The following SLC8A1 variants were observed in gnomAD, a reference collection of about 807,000 sequenced individuals.
SLC8A1 encodes solute carrier family 8 member A1.
SLC8A1 carries 18 observed loss-of-function variants against 68.3 expected under a neutral mutation model. That is an observed-to-expected ratio of 0.26 (90% CI 0.18 to 0.39). The LOEUF (loss-of-function observed/expected upper bound fraction) is 0.39, where lower values mean the gene tolerates loss of function less well. Ranked by LOEUF, SLC8A1 falls within the 10% of genes least tolerant of loss-of-function variation. The probability of loss-of-function intolerance (pLI) is 1.00; values close to 1 mark genes in which losing one functional copy is unlikely to be tolerated. For synonymous variants in SLC8A1, 475 were observed against 415.5 expected (o/e 1.14, Z -1.74); for missense variants, 985 against 1,156.7 (o/e 0.85, Z 2.15).
chr2:40,190,341 G>A (rs2051551261), intron 2 of SLC8A1, among the ~76,000 whole-genome samples: 1 of 152,074 alleles, frequency 6.6e-6, no homozygotes, highest in South Asian at 2.1e-4. Context: ...CGCAAACTGA[G>A]ACTCAGTGAA....
chr2:40,143,064 C>T (rs1363540208), intron 6 of SLC8A1, among the ~76,000 whole-genome samples: 1 of 152,038 alleles, frequency 6.6e-6, no homozygotes, highest in Non-Finnish European at 1.5e-5. Flanking sequence ...GAATGGGAGG[C>T]CCATCTGCTT....
At chr2:40,393,529 G>T (rs995048665) in intron 2 of SLC8A1, among the ~76,000 whole-genome samples, 2 of 152,068 alleles carry the variant, frequency 1.3e-5, no homozygotes, top group African/African-American at 2.4e-5. Flanking sequence ...TGCTGTAAAA[G>T]ATTATTACAT....
intron 2 of SLC8A1, among the ~76,000 whole-genome samples, chr2:40,236,715 G>C (rs866699220): frequency 6.6e-6 from 1 of 152,032 alleles, no homozygotes; most frequent in African/African-American, 2.4e-5. Context: ...TTACAATTTG[G>C]CATGATTTTG....
At chr2:40,114,755 T>A (rs1449249786) in exon 8 of SLC8A1, 2 of 152,226 alleles carry the variant, frequency 1.3e-5, no homozygotes, top group African/African-American at 2.4e-5. Flanking sequence ...TTTTTCTTAA[T>A]CCAAAATAAG....
intron 2 of SLC8A1, among the ~76,000 whole-genome samples, chr2:40,413,219 A>T (rs546161086): frequency 6.6e-6 from 1 of 152,342 alleles, no homozygotes; most frequent in South Asian, 2.1e-4. Context: ...CTAGAACTAG[A>T]AATACCATTT....
chr2:40,209,791 C>G (rs576308123), intron 2 of SLC8A1, among the ~76,000 whole-genome samples: 1 of 152,162 alleles, frequency 6.6e-6, no homozygotes, highest in Admixed American at 6.5e-5. Flanking sequence ...GGAAGCAAAG[C>G]AAGATCATCA....
exon 2 of SLC8A1, chr2:40,429,449 G>A: frequency 6.2e-7 from 1 of 1,613,750 alleles, no homozygotes; most frequent in Non-Finnish European, 8.5e-7. Flanking sequence ...TCTCCTTCAT[G>A]TTCAATAATC....
chr2:40,263,957 A>C (rs1322230642), intron 2 of SLC8A1, among the ~76,000 whole-genome samples: 1 of 152,196 alleles, frequency 6.6e-6, no homozygotes, highest in Non-Finnish European at 1.5e-5. Flanking sequence ...TCATCTGACA[A>C]AGGGCTAATA....
intron 2 of SLC8A1, among the ~76,000 whole-genome samples, chr2:40,222,689 C>A (rs1284165519): frequency 2.0e-5 from 3 of 151,804 alleles, no homozygotes; most frequent in Non-Finnish European, 4.4e-5. Context: ...AAAAACAGCC[C>A]CATCAAAAAG....
At chr2:40,183,965 G>C (rs1356144348) in intron 2 of SLC8A1, among the ~76,000 whole-genome samples, 4 of 152,034 alleles carry the variant, frequency 2.6e-5, no homozygotes, top group Non-Finnish European at 5.9e-5. Flanking sequence ...AGAGCAGCCT[G>C]GGCAACAAAG....
At chr2:40,432,497 T>C (rs1449834360) in intron 1 of SLC8A1, among the ~76,000 whole-genome samples, 2 of 147,240 alleles carry the variant, frequency 1.4e-5, no homozygotes, top group East Asian at 4.0e-4. Context: ...TCTGATAAGG[T>C]AACACTTGAG....
intron 1 of SLC8A1, among the ~76,000 whole-genome samples, chr2:40,432,692 T>C (rs1402261138): frequency 6.6e-6 from 1 of 151,810 alleles, no homozygotes; most frequent in African/African-American, 2.4e-5. Context: ...CAGAGAACAC[T>C]GAATTGCCAT....
chr2:40,460,990 A>T (rs1703307944), intron 1 of SLC8A1, among the ~76,000 whole-genome samples: 1 of 152,166 alleles, frequency 6.6e-6, no homozygotes, highest in African/African-American at 2.4e-5. Flanking sequence ...GAGACCAGAG[A>T]CTCACATAAA....
intron 2 of SLC8A1, among the ~76,000 whole-genome samples, chr2:40,333,378 C>G (rs1196650441): frequency 7.2e-6 from 1 of 138,412 alleles, no homozygotes; most frequent in Non-Finnish European, 1.5e-5. Context: ...GTGGAGGTTG[C>G]AGTGGGCCGA....
chr2:40,141,608 G>C (rs1057490642), intron 6 of SLC8A1, among the ~76,000 whole-genome samples: 1 of 152,172 alleles, frequency 6.6e-6, no homozygotes, highest in South Asian at 2.1e-4. Context: ...TTGCTCTGCT[G>C]TTCATGCAGT....
intron 2 of SLC8A1, among the ~76,000 whole-genome samples, chr2:40,402,965 CG>C (rs1689192006): frequency 1.3e-5 from 2 of 152,140 alleles, no homozygotes; most frequent in Non-Finnish European, 2.9e-5. Flanking sequence ...CCACAGTTAA[CG>C]AAAATTAAAG....
At chr2:40,403,158 G>T (rs1689260906) in intron 2 of SLC8A1, among the ~76,000 whole-genome samples, 1 of 152,094 alleles carries the variant, frequency 6.6e-6, no homozygotes, top group Admixed American at 6.5e-5. Flanking sequence ...CATTGAATAT[G>T]AAACATTAAA....
At position 40,298,952 on chromosome 2, in the gene SLC8A1, C is replaced by G. The variant is rs151306122; in HGVS notation, c.1809-121097G>C. 1.6e-3 allele frequency among the ~76,000 whole-genome samples: 243 copies of G among 152,290 alleles called. 2 individuals carry two copies. The highest frequency in any genetic ancestry group is 5.7e-3 in the African/African-American group (237 of 41,570). ...CCCCACCCCTTTAATCTAACTCCCC[C>G]CAAAAGTGGCCACATACTGGGAGTA... On this transcript the variant is annotated intron_variant, in intron 2 of 7. Transcript: ENST00000406785.
intron 6 of SLC8A1, among the ~76,000 whole-genome samples, chr2:40,159,174 C>T (rs2045196848): frequency 6.6e-6 from 1 of 152,206 alleles, no homozygotes; most frequent in African/African-American, 2.4e-5. Flanking sequence ...TTCCCTTCCA[C>T]AGCTTTGCTT....
Sources: allele counts gnomAD v4.1 joint callset (sites outside exome capture counted in the v4.1 genomes callset), GRCh38; gene constraint gnomAD v4.1.1; transcripts MANE v1.5; gene names NCBI Gene and HGNC (gene_info 2026-07-23, HGNC 2026-07-21).